Variants in CEP112 observed in about 807,000 individuals in gnomAD.
The protein encoded by CEP112 is centrosomal protein 112, also known as centrosomal protein of 112 kDa.
CEP112 carries 127 observed loss-of-function variants against 153.0 expected under a neutral mutation model. The ratio of observed to expected loss-of-function variants is 0.83; its 90% CI spans 0.72 to 0.96. CEP112 has a LOEUF of 0.96. Among genes scored for constraint, CEP112 ranks in the 40% least tolerant of loss-of-function variants. CEP112 has a pLI of 0.00. For synonymous variants in CEP112, 358 were observed against 374.4 expected (o/e 0.96, Z 0.51); for missense variants, 1,089 against 1,101.2 (o/e 0.99, Z 0.16).
chr17:65,959,080 G>A (rs2062103335), intron 18 of CEP112, among the ~76,000 whole-genome samples: 3 of 152,054 alleles, frequency 2.0e-5, no homozygotes, highest in African/African-American at 7.2e-5. Flanking sequence ...TCTGCTGAGG[G>A]CTGCAGAGAC....
At chr17:65,739,995 T>G (rs55754940) in intron 23 of CEP112, among the ~76,000 whole-genome samples, 1 of 152,174 alleles carries the variant, frequency 6.6e-6, no homozygotes, top group Non-Finnish European at 1.5e-5. Flanking sequence ...ATAGATAAAA[T>G]TAAAAAATCA....
chr17:65,910,556 CAAGAT>C (rs752992457), intron 19 of CEP112, among the ~76,000 whole-genome samples: 45 of 152,108 alleles, frequency 3.0e-4, no homozygotes, highest in Non-Finnish European at 4.0e-4. Context: ...GCAAGGATAA[CAAGAT>C]AAAACAACAG....
intron 19 of CEP112, among the ~76,000 whole-genome samples, chr17:65,911,319 G>A (rs2060274939): frequency 6.6e-6 from 1 of 152,150 alleles, no homozygotes; most frequent in African/African-American, 2.4e-5. Context: ...CTTCAACAAT[G>A]TATAAATAAT....
chr17:65,837,798 G>A (rs1459753812), intron 21 of CEP112, among the ~76,000 whole-genome samples: 1 of 152,138 alleles, frequency 6.6e-6, no homozygotes, highest in Non-Finnish European at 1.5e-5. Context: ...CCCCAACCCC[G>A]TGCTCTCTGA....
In CEP112 at chr17:65,961,522, CT is replaced by C; in HGVS notation, c.1812del (p.Glu605SerfsTer8). On this transcript the variant is annotated frameshift_variant, in exon 18 of 27. Transcript: ENST00000535342. LOFTEE classifies it high-confidence loss of function. ...LQAQQADAAL[E>X]EFKRQVELNS... ...TTCAGTTCCACCTGCCGCTTAAACT[CT>C]TCCAGAGCGGCATCTGCCTGCTGGG... 1 of 1,613,696 alleles carries C rather than the reference CT, an allele frequency of 6.2e-7. No individual in the cohort carries two copies. The highest frequency in any genetic ancestry group is 8.5e-7 in the Non-Finnish European group (1 of 1,179,642).
intron 6 of CEP112, among the ~76,000 whole-genome samples, chr17:66,097,227 G>A (rs916325797): frequency 7.2e-5 from 11 of 152,062 alleles, no homozygotes; most frequent in Non-Finnish European, 1.5e-4. Context: ...GCACTATACT[G>A]TCTCCCATGT....
intron 8 of CEP112, among the ~76,000 whole-genome samples, chr17:66,093,171 C>CA (rs1021989719): frequency 4.0e-5 from 6 of 151,668 alleles, no homozygotes; most frequent in Non-Finnish European, 8.8e-5. Context: ...TTGTCTCTAC[C>CA]AAAAAAATAA....
rs2060132663 is a variant in CEP112, at chr17:65,907,616, CA to C, written c.1981-5283del. ...GTCTTTTCCTAGGCTTCCGCACCAT[CA>C]GCATCTTCTAGCAAGGGTGTCTTCT... On this transcript the variant is annotated intron_variant, in intron 19 of 26. Coordinates refer to ENST00000535342, the MANE Select transcript of CEP112 (RefSeq NM_001199165.4). Among the ~76,000 whole-genome samples the C allele has an allele frequency of 2.6e-5, 4 of 152,324 alleles. No homozygotes were observed. In the South Asian group the frequency reaches 8.3e-4, roughly 32 times the overall value.
intron 17 of CEP112, among the ~76,000 whole-genome samples, chr17:65,990,890 G>A (rs2063571084): frequency 6.6e-6 from 1 of 152,204 alleles, no homozygotes; most frequent in Non-Finnish European, 1.5e-5. Context: ...TGGGAGAGGA[G>A]GAGAGCAGCG....
chr17:65,956,469 A>C (rs2062008006), intron 18 of CEP112, among the ~76,000 whole-genome samples: 1 of 151,874 alleles, frequency 6.6e-6, no homozygotes, highest in Non-Finnish European at 1.5e-5. Flanking sequence ...GAAGGAACAA[A>C]ATAATGGCAT....
At chr17:65,920,365 ATATATATAT>A (rs1568229802) in intron 19 of CEP112, among the ~76,000 whole-genome samples, 6 of 32,798 alleles carry the variant, frequency 1.8e-4, no homozygotes, top group African/African-American at 4.9e-4. Context: ...CAAACAAAAT[ATATATATAT>A]ATATATATAT....
intron 17 of CEP112, among the ~76,000 whole-genome samples, chr17:65,994,116 G>A (rs1598041885): frequency 6.6e-6 from 1 of 152,050 alleles, no homozygotes; most frequent in East Asian, 1.9e-4. Context: ...GGCCAATACG[G>A]CTTGTGGCTA....
intron 21 of CEP112, among the ~76,000 whole-genome samples, chr17:65,839,274 A>G (rs2057430114): frequency 6.6e-6 from 1 of 152,116 alleles, no homozygotes; most frequent in Admixed American, 6.6e-5. Flanking sequence ...ATACTAGCAA[A>G]CTGAATTCAG....
Position 65,918,724 on chromosome 17 carries a change from T to C in CEP112, c.1980+8858A>G, listed in dbSNP as rs138796369. 4.6e-3 allele frequency among the ~76,000 whole-genome samples: 693 copies of C among 152,288 alleles called. 4 individuals are homozygous for C. The highest frequency in any genetic ancestry group is 5.9e-3 in the Admixed American group (91 of 15,300). ...ATTGTCTTTTTGTTCCAATGGGTTATACAGGAAAGAAACAGGAAATCTTGA... is the reference window on the plus strand; with the variant it reads ...ATTGTCTTTTTGTTCCAATGGGTTACACAGGAAAGAAACAGGAAATCTTGA... On this transcript the variant is annotated intron_variant, in intron 19 of 26. Transcript: ENST00000535342.
At chr17:66,063,165 G>A (rs1022781922) in intron 10 of CEP112, 84 bp from the exon 11 acceptor site, 9 of 519,666 alleles carry the variant, frequency 1.7e-5, no homozygotes, top group Non-Finnish European at 2.6e-5. Flanking sequence ...CCAGTTAGTA[G>A]GTAATTCAAT....
At chr17:65,821,368 C>A (rs1204271859) in intron 21 of CEP112, among the ~76,000 whole-genome samples, 3 of 149,254 alleles carry the variant, frequency 2.0e-5, no homozygotes, top group African/African-American at 7.4e-5. Context: ...ACTGATGTAA[C>A]CAACCAATTA....
intron 4 of CEP112, among the ~76,000 whole-genome samples, chr17:66,168,431 A>ATGTGTG (rs2072079822): frequency 6.7e-6 from 1 of 148,258 alleles, no homozygotes; most frequent in African/African-American, 2.5e-5. Context: ...GTGTATATAT[A>ATGTGTG]TGTATATATA....
intron 2 of CEP112, among the ~76,000 whole-genome samples, chr17:66,177,683 T>G (rs949676203): frequency 3.3e-5 from 5 of 152,134 alleles, no homozygotes; most frequent in African/African-American, 7.2e-5. Context: ...TCACTCTATG[T>G]TTTTGTACCC....
chr17:65,852,764 G>A (rs2058009909), intron 20 of CEP112, among the ~76,000 whole-genome samples: 2 of 151,524 alleles, frequency 1.3e-5, no homozygotes, highest in Non-Finnish European at 2.9e-5. Flanking sequence ...ATTGATTTCT[G>A]CTTTTATTTT....
Sources: allele counts gnomAD v4.1 joint callset (sites outside exome capture counted in the v4.1 genomes callset), GRCh38; gene constraint gnomAD v4.1.1; transcripts MANE v1.5; gene names NCBI Gene and HGNC (gene_info 2026-07-23, HGNC 2026-07-21).